The following ASIC2 variants were observed in gnomAD, a reference collection of about 807,000 sequenced individuals.
ASIC2 encodes acid sensing ion channel subunit 2, also known as acid-sensing ion channel 2.
ASIC2 carries 25 observed loss-of-function variants against 57.3 expected under a neutral mutation model. That is an observed-to-expected ratio of 0.44 (90% CI 0.32 to 0.61). ASIC2 has a LOEUF of 0.61. Among genes scored for constraint, ASIC2 ranks in the 20% least tolerant of loss-of-function variants. The pLI, the probability that ASIC2 is intolerant of heterozygous loss-of-function variation, is 0.06. For synonymous variants in ASIC2, 319 were observed against 307.5 expected (o/e 1.04, Z -0.39); for missense variants, 641 against 738.1 (o/e 0.87, Z 1.52).
At chr17:33,973,448 T>G (rs1355583453) in intron 1 of ASIC2, among the ~76,000 whole-genome samples, 2 of 152,186 alleles carry the variant, frequency 1.3e-5, no homozygotes, top group South Asian at 2.1e-4. Context: ...CCATGCTTCC[T>G]CCTGTAGCAA....
intron 1 of ASIC2, among the ~76,000 whole-genome samples, chr17:33,377,468 G>A (rs1299091628): frequency 1.3e-5 from 2 of 152,156 alleles, no homozygotes; most frequent in Non-Finnish European, 2.9e-5. Context: ...GCTCTCACTG[G>A]CTTCTCATTG....
At chr17:33,648,459 G>A (rs1204157456) in intron 1 of ASIC2, among the ~76,000 whole-genome samples, 1 of 152,178 alleles carries the variant, frequency 6.6e-6, no homozygotes, top group Non-Finnish European at 1.5e-5. Flanking sequence ...TATATAGGAA[G>A]GACTTAGTAA....
intron 1 of ASIC2, among the ~76,000 whole-genome samples, chr17:34,008,646 T>C (rs8064267): frequency 0.34 from 51,937 of 151,856 alleles, 11,473 homozygotes; most frequent in African/African-American, 0.61. Flanking sequence ...TATCTAGGAA[T>C]TTGTTATTGT....
At chr17:34,039,973 G>A (rs1415694627) in intron 1 of ASIC2, 30 of 1,014,958 alleles carry the variant, frequency 3.0e-5, no homozygotes, top group African/African-American at 4.8e-5. Context: ...GGGCAGGCCC[G>A]GGGCGGAGCC....
intron 3 of ASIC2, among the ~76,000 whole-genome samples, chr17:33,049,456 C>G (rs1330588696): frequency 6.6e-6 from 1 of 152,178 alleles, no homozygotes; most frequent in Non-Finnish European, 1.5e-5. Context: ...TTAATGGCCT[C>G]TTAGCATTGT....
chr17:33,096,142 C>G (rs1249371094), intron 2 of ASIC2, among the ~76,000 whole-genome samples: 2 of 152,208 alleles, frequency 1.3e-5, no homozygotes, highest in Non-Finnish European at 2.9e-5. Context: ...GAAACTCTCT[C>G]TGAAATACAG....
At chr17:33,420,829 C>CTGACA (rs1486880447) in intron 1 of ASIC2, among the ~76,000 whole-genome samples, 2 of 152,140 alleles carry the variant, frequency 1.3e-5, no homozygotes, top group African/African-American at 4.8e-5. Flanking sequence ...TCACTCCAGC[C>CTGACA]TGCCATGCCA....
chr17:33,625,129 G>GTCTGTCTATCTA (rs1555548113), intron 1 of ASIC2, among the ~76,000 whole-genome samples: 5,852 of 146,372 alleles, frequency 0.04, 142 homozygotes, highest in African/African-American at 0.069. Flanking sequence ...TGGCCTCTCT[G>GTCTGTCTATCTA]TCTATCTATC....
intron 1 of ASIC2, among the ~76,000 whole-genome samples, chr17:33,967,393 G>A (rs118016048): frequency 0.014 from 2,055 of 152,180 alleles, 21 homozygotes; most frequent in Non-Finnish European, 0.021. Context: ...GCACTACCAT[G>A]CATGGCTAAC....
At chr17:33,633,408 G>A (rs1478728348) in intron 1 of ASIC2, among the ~76,000 whole-genome samples, 2 of 152,156 alleles carry the variant, frequency 1.3e-5, no homozygotes, top group African/African-American at 2.4e-5. Context: ...AGGAAGGACC[G>A]GTTAGAAAAT....
intron 1 of ASIC2, among the ~76,000 whole-genome samples, chr17:33,441,740 T>C (rs1911829581): frequency 6.6e-6 from 1 of 152,144 alleles, no homozygotes; most frequent in African/African-American, 2.4e-5. Flanking sequence ...CCTTGCAAAG[T>C]TCCCCCCAGT....
chr17:33,034,681 A>C (rs993551801), intron 3 of ASIC2, among the ~76,000 whole-genome samples: 1 of 152,066 alleles, frequency 6.6e-6, no homozygotes, highest in Non-Finnish European at 1.5e-5. Context: ...TCTGATGAGA[A>C]TCAGTCATAT....
chr17:33,308,109 T>G (rs1019911039), intron 1 of ASIC2, among the ~76,000 whole-genome samples: 2 of 152,234 alleles, frequency 1.3e-5, no homozygotes, highest in Non-Finnish European at 2.9e-5. Flanking sequence ...ATAGTAGTTC[T>G]TTTATAAACA....
At chr17:33,423,567 G>A (rs1258863061) in intron 1 of ASIC2, among the ~76,000 whole-genome samples, 1 of 152,142 alleles carries the variant, frequency 6.6e-6, no homozygotes, top group African/African-American at 2.4e-5. Flanking sequence ...TCCTTCTCCA[G>A]GGTGTAGCAC....
At chr17:33,913,588 A>G (rs1429212727) in intron 1 of ASIC2, among the ~76,000 whole-genome samples, 2 of 152,170 alleles carry the variant, frequency 1.3e-5, no homozygotes, top group South Asian at 2.1e-4. Context: ...ACTGAATTAT[A>G]TCTCTAAAAT....
intron 1 of ASIC2, among the ~76,000 whole-genome samples, chr17:33,875,632 C>A (rs965121218): frequency 2.0e-5 from 3 of 152,190 alleles, no homozygotes; most frequent in Non-Finnish European, 2.9e-5. Flanking sequence ...TAGTCATTTT[C>A]TTGCTCCTCT....
At chr17:33,429,192 T>TA (rs1911318606) in intron 1 of ASIC2, among the ~76,000 whole-genome samples, 1 of 152,180 alleles carries the variant, frequency 6.6e-6, no homozygotes, top group Non-Finnish European at 1.5e-5. Flanking sequence ...ACATTTTTTT[T>TA]TTAGCACTTG....
chr17:33,676,989 CT>C (rs747769414), intron 1 of ASIC2, among the ~76,000 whole-genome samples: 36 of 152,306 alleles, frequency 2.4e-4, no homozygotes, highest in Non-Finnish European at 4.0e-4. Flanking sequence ...CTTGCACCTT[CT>C]TTTGCCATGT....
Position 34,112,731 on chromosome 17 carries a change from C to T in ASIC2, c.555+43247G>A, listed in dbSNP as rs188467519. Among the ~76,000 whole-genome samples, 4 of 151,686 alleles carry T rather than the reference C, an allele frequency of 2.6e-5. No individual in the cohort carries two copies. In the East Asian group the frequency reaches 7.8e-4, roughly 30 times the overall value. ...GTTACAGGCTGGGTAGTGATGCTCC[C>T]TGAAGCCTCTTAGGATGAACGTTCT... On this transcript the variant is annotated intron_variant, in intron 1 of 9. Transcript: ENST00000359872.
Sources: allele counts gnomAD v4.1 joint callset (sites outside exome capture counted in the v4.1 genomes callset), GRCh38; gene constraint gnomAD v4.1.1; transcripts MANE v1.5; gene names NCBI Gene and HGNC (gene_info 2026-07-23, HGNC 2026-07-21).